TG: variants seen among roughly 807,000 people sequenced by gnomAD.
The protein encoded by TG is thyroid hormones.
A neutral mutation model predicts 324.7 loss-of-function variants in TG; 270 were observed. The observed-to-expected ratio is 0.83, with a 90% confidence interval of 0.75 to 0.92. TG has a LOEUF of 0.92. Ranked by LOEUF, TG falls within the 40% of genes least tolerant of loss-of-function variation. The pLI, the probability that TG is intolerant of heterozygous loss-of-function variation, is 0.00. For synonymous variants in TG, 1,401 were observed against 1,327.0 expected (o/e 1.06, Z -1.21); for missense variants, 3,591 against 3,456.4 (o/e 1.04, Z -0.98).
intron 12 of TG, 134 bp downstream of exon 12, chr8:132,897,920 C>T: frequency 1.8e-6 from 2 of 1,113,346 alleles, no homozygotes; most frequent in Non-Finnish European, 2.7e-6. Flanking sequence ...AATTCCTTAG[C>T]TTCTCGGGCC....
rs148862631 is a variant in TG at position 132,984,009 on chromosome 8, G to A, written c.6262+597G>A. ...AGCAGAAAGTGCAGAGAGGTTGGGT[G>A]CAGTAGAGACATCTGGATGCTCTAG... On this transcript the variant is annotated intron_variant, in intron 35 of 47. Transcript: ENST00000220616. Among the ~76,000 whole-genome samples the A allele has an allele frequency of 2.4e-4, 37 of 152,348 alleles. 1 individual carries two copies. The highest frequency in any genetic ancestry group is 8.7e-4 in the African/African-American group (36 of 41,586).
chr8:132,888,034 C>T lies in TG; in HGVS notation c.2227C>T (p.Gln743Ter). ...TGAGCAAGCTTTCCTCAGGACGGTG[C>T]AGGCCCTGCTCTCTAACTCCAGCAT... ...QSEQAFLRTVQALLSNSSMLP... is the reference protein window; with the variant it reads ...QSEQAFLRTV Residue 743 changes from glutamine to a stop codon, truncating the protein, a stop_gained, in exon 10 of 48, where the codon CAG (glutamine) becomes TAG (stop). Coordinates refer to ENST00000220616, the MANE Select transcript of TG (RefSeq NM_003235.5). LOFTEE classifies it high-confidence loss of function. 6.2e-7 allele frequency: 1 copy of T among 1,614,190 alleles called. No homozygotes were observed. Among genetic ancestry groups the T allele is most frequent in the Non-Finnish European group, 8.5e-7 (1 of 1,180,030 alleles).
intron 19 of TG, among the ~76,000 whole-genome samples, chr8:132,912,448 C>G (rs546509895): frequency 6.6e-6 from 1 of 152,074 alleles, no homozygotes; most frequent in African/African-American, 2.4e-5. Flanking sequence ...GCTATGTGCA[C>G]GGATCTGCCC....
intron 35 of TG, among the ~76,000 whole-genome samples, chr8:133,010,289 G>T (rs1411790277): frequency 6.6e-6 from 1 of 152,164 alleles, no homozygotes; most frequent in Non-Finnish European, 1.5e-5. Flanking sequence ...CCCCTCATTT[G>T]GGTGCTTTCG....
At chr8:132,934,947 G>A (rs1182642674) in intron 24 of TG, among the ~76,000 whole-genome samples, 1 of 151,998 alleles carries the variant, frequency 6.6e-6, no homozygotes, top group Non-Finnish European at 1.5e-5. Context: ...GAAACTAAGT[G>A]CCTGTAAGGT....
chr8:132,956,242 G>A (rs574048910), intron 27 of TG, among the ~76,000 whole-genome samples: 3 of 152,272 alleles, frequency 2.0e-5, no homozygotes, highest in East Asian at 3.9e-4. Context: ...GGTGGGCTCT[G>A]TGTATCATTC....
intron 45 of TG, among the ~76,000 whole-genome samples, chr8:133,130,692 G>A (rs1851873570): frequency 6.6e-6 from 1 of 152,180 alleles, no homozygotes; most frequent in South Asian, 2.1e-4. Context: ...TTTGATTTCA[G>A]TCCACTAAGA....
chr8:132,936,038 C>T (rs955330597), intron 25 of TG, among the ~76,000 whole-genome samples, 174 bp downstream of exon 25: 2 of 152,332 alleles, frequency 1.3e-5, no homozygotes, highest in African/African-American at 4.8e-5. Context: ...ACAGCACGCT[C>T]CTCAGGCAGG....
chr8:132,973,690 G>A (rs1381229252), intron 34 of TG, among the ~76,000 whole-genome samples: 1 of 152,190 alleles, frequency 6.6e-6, no homozygotes, highest in Non-Finnish European at 1.5e-5. Flanking sequence ...GGAATAGTGG[G>A]CAGCCACATG....
At chr8:132,917,384 G>GTA (rs1175256718) in intron 20 of TG, among the ~76,000 whole-genome samples, 2 of 124,142 alleles carry the variant, frequency 1.6e-5, no homozygotes, top group Non-Finnish European at 3.8e-5. Flanking sequence ...GTTTGTGCAT[G>GTA]TATATGTGTG....
chr8:132,874,233 A>G (rs970140523), intron 5 of TG, among the ~76,000 whole-genome samples: 4 of 152,168 alleles, frequency 2.6e-5, no homozygotes, highest in Non-Finnish European at 4.4e-5. Context: ...GCAGGAGAGG[A>G]AAAAAGGCAG....
intron 41 of TG, chr8:133,039,953 G>GCACACACACACACACACA: frequency 7.0e-7 from 1 of 1,433,552 alleles, no homozygotes; most frequent in Admixed American, 2.2e-5. Flanking sequence ...GCACTTGCAT[G>GCACACACACACACACACA]CACACACACA....
chr8:133,124,941 C>T lies in TG; in HGVS notation c.7863-6871C>T, dbSNP rs759313297. Among the ~76,000 whole-genome samples, 9 of 152,172 alleles carry T rather than the reference C, an allele frequency of 5.9e-5. No individual in the cohort carries two copies. In the East Asian group the frequency reaches 9.6e-4, roughly 16 times the overall value. ...TGGAATTAACAAACCAAAGAAAATA[C>T]GAAGTGGATAGATTATTGAACTGAA... On this transcript the variant is annotated intron_variant, in intron 45 of 47. Coordinates refer to ENST00000220616, the MANE Select transcript of TG (RefSeq NM_003235.5).
intron 41 of TG, among the ~76,000 whole-genome samples, chr8:133,043,859 G>A (rs1006719917): frequency 3.3e-5 from 5 of 152,184 alleles, no homozygotes; most frequent in African/African-American, 1.2e-4. Context: ...CCAGAAGGGG[G>A]AAGATGCTGT....
intron 16 of TG, among the ~76,000 whole-genome samples, chr8:132,903,529 C>T (rs1818231400): frequency 6.6e-6 from 1 of 152,210 alleles, no homozygotes; most frequent in South Asian, 2.1e-4. Flanking sequence ...GAACATTGCC[C>T]AGGTTTCCTG....
chr8:132,901,739 C>T (rs2132291687), intron 16 of TG, among the ~76,000 whole-genome samples, 186 bp downstream of exon 16: 1 of 152,232 alleles, frequency 6.6e-6, no homozygotes, highest in East Asian at 1.9e-4. Context: ...GACGCTCCTG[C>T]TGGGAACTGA....
intron 23 of TG, 119 bp from the exon 24 acceptor site, chr8:132,933,434 TTGTGTGTG>T (rs370957018): frequency 3.4e-5 from 23 of 681,634 alleles, no homozygotes; most frequent in African/African-American, 6.0e-5. Context: ...ATCTGCATAT[TTGTGTGTG>T]TGTGTGTGTG....
intron 45 of TG, among the ~76,000 whole-genome samples, chr8:133,122,340 C>T (rs147207781): frequency 0.011 from 1,730 of 152,178 alleles, 29 homozygotes; most frequent in Non-Finnish European, 0.014. Context: ...GATTCAGATT[C>T]AAAGAATCAT....
intron 41 of TG, among the ~76,000 whole-genome samples, chr8:133,042,698 TTTTTTTTTTTTG>T: frequency 2.3e-5 from 3 of 130,858 alleles, no homozygotes; most frequent in South Asian, 2.6e-4. Flanking sequence ...TTTTTTTTTT[TTTTTTTTTTTTG>T]TGAGATGGAG....
Sources: allele counts gnomAD v4.1 joint callset (sites outside exome capture counted in the v4.1 genomes callset), GRCh38; gene constraint gnomAD v4.1.1; transcripts MANE v1.5; gene names NCBI Gene and HGNC (gene_info 2026-07-23, HGNC 2026-07-21).